Variants in SMG9 observed in about 807,000 individuals in gnomAD.
The protein encoded by SMG9 is nonsense-mediated mRNA decay factor SMG9.
In SMG9, 55 loss-of-function variants were observed where a neutral mutation model predicts 64.0. The ratio of observed to expected loss-of-function variants is 0.86; its 90% CI spans 0.69 to 1.08. SMG9 has a LOEUF of 1.08. Among genes scored for constraint, SMG9 ranks in the 50% least tolerant of loss-of-function variants. The pLI is 0.00. For synonymous variants in SMG9, 244 were observed against 254.8 expected (o/e 0.96, Z 0.41); for missense variants, 554 against 681.3 (o/e 0.81, Z 2.08).
chr19:43,747,797 C>T lies in SMG9; in HGVS notation c.326G>A (p.Gly109Glu), dbSNP rs1406951715. ...AGAGGCACCTGTCACGGCCACAGGC[C>T]CCTTCCCCTCCTCCCGTGGCTTCAT... The part of the protein sequence containing the change: ...VLMKPREEGK[G>E]PVAVTGASTP... Residue 109 changes from glycine to glutamate, a missense_variant, in exon 4 of 14, where the codon GGG becomes GAG. Gly to Glu is a moderately conservative substitution (Grantham distance 98). Transcript: ENST00000270066. 2.5e-5 allele frequency: 40 copies of T among 1,605,382 alleles called. No individual in the cohort carries two copies. Among genetic ancestry groups the T allele is most frequent in the Non-Finnish European group, 3.3e-5 (39 of 1,175,742 alleles).
In SMG9 at chr19:43,728,727, A is replaced by G. The variant is rs1256671377; in HGVS notation, c.*2869T>C. 1 of 152,742 alleles carries G rather than the reference A, an allele frequency of 6.5e-6. No homozygotes were observed. Among genetic ancestry groups the G allele is most frequent in the East Asian group, 1.9e-4 (1 of 5,190 alleles). The allele number at this position is 152,742 out of a possible 1,614,324, so 9.5% of individuals were successfully genotyped here. On this transcript the variant is annotated 3_prime_UTR_variant, in exon 14 of 14. Transcript: ENST00000270066. ...GCTGCAGGGCTGACATTCTTAGGCC[A>G]AGTGCTGCGCTCATGACAGGCGCTT... is the stretch of plus-strand genomic sequence containing the variant.
At chr19:43,736,257 G>C (rs1968662473) in intron 9 of SMG9, among the ~76,000 whole-genome samples, 1 of 152,218 alleles carries the variant, frequency 6.6e-6, no homozygotes, top group Admixed American at 6.5e-5. Context: ...CTGCTGATGA[G>C]GAACTGAGGA....
chr19:43,738,071 T>G, intron 8 of SMG9, 51 bp downstream of exon 8: 3 of 1,523,472 alleles, frequency 2.0e-6, no homozygotes, highest in Non-Finnish European at 2.7e-6. Flanking sequence ...CTTGGGAGGA[T>G]GGGGGTGGGG....
In SMG9 at chr19:43,731,287, C is replaced by G; in HGVS notation, c.*309G>C. The G allele has an allele frequency of 5.2e-6, 6 of 1,163,414 alleles. No individual in the cohort carries two copies. The South Asian group carries it at 8.3e-5, about 16-fold the overall frequency. The allele number at this position is 1,163,414 out of a possible 1,614,324, so 72.1% of individuals were successfully genotyped here. A position where few individuals can be genotyped will look rare whatever the true frequency, so the allele number is the denominator to read the frequency against. On this transcript the variant is annotated 3_prime_UTR_variant, in exon 14 of 14. Transcript: ENST00000270066. ...TGCTCCTGTCCCTGAAAAAGGAGGT[C>G]AAGATGGAGCCCGGGCTTCCTGGTG... is the stretch of plus-strand genomic sequence containing the variant.
chr19:43,743,666 T>C (rs1453378237), intron 6 of SMG9, among the ~76,000 whole-genome samples: 1 of 152,096 alleles, frequency 6.6e-6, no homozygotes, highest in Non-Finnish European at 1.5e-5. Flanking sequence ...TGTGGTGGCA[T>C]GCCCCTGTAG....
At chr19:43,733,905 C>T in intron 10 of SMG9, 172 bp from the exon 11 acceptor site, 1 of 604,406 alleles carries the variant, frequency 1.7e-6, no homozygotes, top group Middle Eastern at 2.6e-4. Flanking sequence ...TGCTGGGGAC[C>T]CAGAAGTGAG....
chr19:43,751,632 GAC>G (rs1969194806), intron 1 of SMG9, among the ~76,000 whole-genome samples: 1 of 152,242 alleles, frequency 6.6e-6, no homozygotes, highest in African/African-American at 2.4e-5. Context: ...GCTATGGTAT[GAC>G]ACTAGAAGTG....
chr19:43,752,493 T>C (rs1484910125), intron 1 of SMG9, among the ~76,000 whole-genome samples: 1 of 152,248 alleles, frequency 6.6e-6, no homozygotes, highest in African/African-American at 2.4e-5. Context: ...CATGGCCACA[T>C]CCATCAATTT....
intron 9 of SMG9, 50 bp downstream of exon 9, chr19:43,737,547 G>A: frequency 1.3e-6 from 2 of 1,526,802 alleles, no homozygotes; most frequent in Non-Finnish European, 1.8e-6. Context: ...CTGGGCCTTT[G>A]TCTCCTGCCT....
In SMG9 at chr19:43,731,678, TGAG is replaced by T; in HGVS notation, c.1485-7_1485-5del. 6.2e-7 allele frequency: 1 copy of T among 1,614,174 alleles called. No individual in the cohort carries two copies. The highest frequency in any genetic ancestry group is 8.5e-7 in the Non-Finnish European group (1 of 1,180,020). ...GATCCGGGCAGCGTAGTGGAACCTG[TGAG>T]GAGGCCAACAGTCAGGGCTGCCTGG... On this transcript the variant is annotated splice_region_variant and splice_polypyrimidine_tract_variant and intron_variant, in intron 13 of 13. Coordinates refer to ENST00000270066, the MANE Select transcript of SMG9 (RefSeq NM_019108.4).
chr19:43,752,528 T>C (rs1418522278), intron 1 of SMG9, among the ~76,000 whole-genome samples: 1 of 152,216 alleles, frequency 6.6e-6, no homozygotes, highest in Non-Finnish European at 1.5e-5. Context: ...GCTGCCTTCT[T>C]GATGCAATGG....
At position 43,754,761 on chromosome 19, in the gene SMG9, C is replaced by T. The variant is rs1350442811; in HGVS notation, c.-114G>A. ...CAAGCCACCCGCCTGCAAATGGCGTCTGGGGGCCAGGAACGTGGGAAGGAG... is the reference window on the plus strand; with the variant it reads ...CAAGCCACCCGCCTGCAAATGGCGTTTGGGGGCCAGGAACGTGGGAAGGAG... On this transcript the variant is annotated 5_prime_UTR_variant, in exon 1 of 14. Transcript: ENST00000270066. 1 of 152,210 alleles carries T rather than the reference C, an allele frequency of 6.6e-6. No homozygotes were observed. The highest frequency in any genetic ancestry group is 1.5e-5 in the Non-Finnish European group (1 of 68,050). The allele number at this position is 152,210 out of a possible 1,614,324, so 9.4% of individuals were successfully genotyped here. A position where few individuals can be genotyped will look rare whatever the true frequency, so the allele number is the denominator to read the frequency against.
intron 2 of SMG9, among the ~76,000 whole-genome samples, chr19:43,749,594 ATTC>A (rs1403910325): frequency 6.6e-6 from 1 of 152,206 alleles, no homozygotes; most frequent in Non-Finnish European, 1.5e-5. Flanking sequence ...TGAAAAAACT[ATTC>A]TTCATGTTTG....
chr19:43,728,886 C>G lies in SMG9; in HGVS notation c.*2710G>C. 1.6e-6 allele frequency: 1 copy of G among 639,910 alleles called. No individual in the cohort carries two copies. Among genetic ancestry groups the G allele is most frequent in the Non-Finnish European group, 1.9e-6 (1 of 514,154 alleles). 39.6% of individuals were successfully genotyped at this position (639,910 alleles called of 1,614,324 possible). A position where few individuals can be genotyped will look rare whatever the true frequency, so the allele number is the denominator to read the frequency against. The stretch of plus-strand genomic sequence containing the variant: ...GTGTCTGAATTGAAAAGCGTGAGTT[C>G]CACCTGCTGGGAATGATGAAGGGAC... On this transcript the variant is annotated 3_prime_UTR_variant, in exon 14 of 14. Coordinates refer to ENST00000270066, the MANE Select transcript of SMG9 (RefSeq NM_019108.4).
intron 13 of SMG9, among the ~76,000 whole-genome samples, chr19:43,731,954 A>G (rs949448315): frequency 2.0e-5 from 3 of 152,354 alleles, no homozygotes; most frequent in African/African-American, 7.2e-5. Flanking sequence ...CACTCCACAC[A>G]GTGCTGGCTT....
rs202167975 is a variant in SMG9, at chr19:43,737,659, A to G, written c.933T>C (p.Leu311=). Residue 311 remains leucine (L), a synonymous_variant, in exon 9 of 14, where the codon CTT becomes CTC. Transcript: ENST00000270066. Reference sequence around the variant, plus strand: ...CAATCACCACATGGCAGACCGTGAAAAGGAAGGCAGCAATCTGGAGTGACT... The same window carrying G: ...CAATCACCACATGGCAGACCGTGAAGAGGAAGGCAGCAATCTGGAGTGACT... ...EMQSLQIAAF[L]FTVCHVVIVV... 124 of 1,613,944 alleles carry G rather than the reference A, an allele frequency of 7.7e-5. No individual in the cohort carries two copies. The highest frequency in any genetic ancestry group is 2.0e-5 in the Non-Finnish European group (24 of 1,179,932).
intron 6 of SMG9, 92 bp from the exon 7 acceptor site, chr19:43,740,310 C>A (rs996603550): frequency 1.1e-6 from 1 of 916,760 alleles, no homozygotes; most frequent in Admixed American, 1.7e-5. Context: ...AGCATGTGAG[C>A]CGTGGTGCCC....
In SMG9 at chr19:43,747,769, G is replaced by T; in HGVS notation, c.354C>A (p.Thr118=). 1 of 1,608,742 alleles carries T rather than the reference G, an allele frequency of 6.2e-7. No individual in the cohort carries two copies. The part of the protein sequence containing the change: ...KGPVAVTGAS[T]PEGTAPPPPA... ...GGGGTGGTGGGGCGGTGCCCTCAGG[G>T]GTAGAGGCACCTGTCACGGCCACAG... is the stretch of plus-strand genomic sequence containing the variant. The change falls in exon 4 of 14, where the codon ACC becomes ACA. Residue 118 remains threonine (T), a synonymous_variant. Transcript: ENST00000270066.
intron 8 of SMG9, 36 bp downstream of exon 8, chr19:43,738,086 A>T: frequency 6.3e-7 from 1 of 1,593,242 alleles, no homozygotes; most frequent in Non-Finnish European, 8.6e-7. Flanking sequence ...GTGGGGATGT[A>T]AAACCTCAGT....
Sources: allele counts gnomAD v4.1 joint callset (sites outside exome capture counted in the v4.1 genomes callset), GRCh38; gene constraint gnomAD v4.1.1; transcripts MANE v1.5; gene names NCBI Gene and HGNC (gene_info 2026-07-23, HGNC 2026-07-21).